Variants in UST observed in about 807,000 individuals in gnomAD.
The protein encoded by UST is chondroitin sulfate 2-O-sulfotransferase.
Under a neutral mutation model 45.6 loss-of-function variants are expected in UST, and 21 were observed. That is an observed-to-expected ratio of 0.46 (90% CI 0.33 to 0.66). The LOEUF is 0.66. Among genes scored for constraint, UST ranks in the 30% least tolerant of loss-of-function variants. The probability of loss-of-function intolerance (pLI) is 0.02; values close to 1 mark genes in which losing one functional copy is unlikely to be tolerated. For synonymous variants in UST, 215 were observed against 200.6 expected (o/e 1.07, Z -0.61); for missense variants, 463 against 512.4 (o/e 0.90, Z 0.93).
intron 5 of UST, among the ~76,000 whole-genome samples, chr6:148,985,331 G>A (rs1469125790): frequency 1.3e-5 from 2 of 152,194 alleles, no homozygotes; most frequent in Middle Eastern, 3.4e-3. Flanking sequence ...TCAGGGATGA[G>A]GATAAAAGAG....
At chr6:149,054,632 G>A (rs1776536327) in intron 7 of UST, among the ~76,000 whole-genome samples, 1 of 152,164 alleles carries the variant, frequency 6.6e-6, no homozygotes, top group Non-Finnish European at 1.5e-5. Flanking sequence ...AGGAAACTGG[G>A]CAGGAAAGAC....
At chr6:148,945,815 T>G (rs1780223892) in intron 3 of UST, among the ~76,000 whole-genome samples, 2 of 152,180 alleles carry the variant, frequency 1.3e-5, no homozygotes, top group African/African-American at 4.8e-5. Flanking sequence ...AGAACTCCAG[T>G]TCATTGTCTG....
In UST at chr6:148,922,180, C is replaced by G. The variant is rs1246881746; in HGVS notation, c.292-19099C>G. Among the ~76,000 whole-genome samples, 5 of 152,104 alleles carry G rather than the reference C, an allele frequency of 3.3e-5. No homozygotes were observed. The East Asian group carries it at 9.6e-4, about 29-fold the overall frequency. On this transcript the variant is annotated intron_variant, in intron 2 of 7. Coordinates refer to ENST00000367463, the MANE Select transcript of UST (RefSeq NM_005715.3). ...ATTCACAAAATTTTGCCACCATTACCACTGTCCAATTCAAAGCATTTTTGT... is the reference window on the plus strand; with the variant it reads ...ATTCACAAAATTTTGCCACCATTACGACTGTCCAATTCAAAGCATTTTTGT...
intron 7 of UST, among the ~76,000 whole-genome samples, chr6:149,022,630 A>AGCT (rs986312826): frequency 1.1e-4 from 17 of 152,312 alleles, no homozygotes; most frequent in African/African-American, 4.1e-4. Flanking sequence ...AGAAGGAAGC[A>AGCT]GCAGATGAAA....
chr6:148,987,864 A>G (rs1200420104), intron 5 of UST, among the ~76,000 whole-genome samples: 5 of 152,112 alleles, frequency 3.3e-5, no homozygotes, highest in Admixed American at 2.0e-4. Context: ...TCAGACGTGT[A>G]TTCGTTCAGC....
At chr6:149,054,346 G>T (rs1165719217) in intron 7 of UST, among the ~76,000 whole-genome samples, 1 of 152,204 alleles carries the variant, frequency 6.6e-6, no homozygotes, top group Non-Finnish European at 1.5e-5. Context: ...TAGAAATGGT[G>T]TAAAAGTTTT....
intron 2 of UST, among the ~76,000 whole-genome samples, chr6:148,914,307 T>A (rs1249818014): frequency 6.6e-6 from 1 of 151,856 alleles, no homozygotes; most frequent in Non-Finnish European, 1.5e-5. Flanking sequence ...GAAACTCGAT[T>A]CTACCTTTGA....
At chr6:149,069,416 C>A (rs1241549301) in intron 7 of UST, among the ~76,000 whole-genome samples, 1 of 152,146 alleles carries the variant, frequency 6.6e-6, no homozygotes, top group Non-Finnish European at 1.5e-5. Flanking sequence ...TATTTATTGG[C>A]TTTTAATAAT....
At chr6:148,892,449 A>T (rs182558399) in intron 2 of UST, among the ~76,000 whole-genome samples, 9 of 152,366 alleles carry the variant, frequency 5.9e-5, no homozygotes, top group Admixed American at 1.3e-4. Flanking sequence ...TGGGTAATAC[A>T]ATAAGAAAGA....
At chr6:149,061,617 G>A (rs1776656195) in intron 7 of UST, among the ~76,000 whole-genome samples, 1 of 152,222 alleles carries the variant, frequency 6.6e-6, no homozygotes, top group Non-Finnish European at 1.5e-5. Flanking sequence ...GCAATCCACT[G>A]ACATATGCAT....
At chr6:148,791,776 T>G (rs2114704454) in intron 1 of UST, among the ~76,000 whole-genome samples, 1 of 152,316 alleles carries the variant, frequency 6.6e-6, no homozygotes, top group Admixed American at 6.5e-5. Flanking sequence ...CACACCAGGA[T>G]CCTGGAGGTT....
intron 2 of UST, among the ~76,000 whole-genome samples, chr6:148,913,835 T>G (rs1272224428): frequency 6.6e-6 from 1 of 152,230 alleles, no homozygotes; most frequent in Non-Finnish European, 1.5e-5. Context: ...TGGAACAGTT[T>G]AAATGTACAA....
At chr6:148,779,664 G>C (rs1776602222) in intron 1 of UST, among the ~76,000 whole-genome samples, 1 of 152,242 alleles carries the variant, frequency 6.6e-6, no homozygotes, top group East Asian at 1.9e-4. Flanking sequence ...AGTGACTCTA[G>C]AAATGTAGGT....
intron 7 of UST, among the ~76,000 whole-genome samples, chr6:149,067,100 A>G (rs891622984): frequency 2.6e-5 from 4 of 152,180 alleles, no homozygotes; most frequent in Non-Finnish European, 5.9e-5. Context: ...AATGGGCCCA[A>G]TGCTCAGACA....
intron 1 of UST, among the ~76,000 whole-genome samples, chr6:148,765,825 G>A (rs765073647): frequency 9.2e-5 from 14 of 152,222 alleles, no homozygotes; most frequent in African/African-American, 1.4e-4. Flanking sequence ...CCCTCCGTTC[G>A]GGGTCCCTGA....
chr6:148,992,191 T>C (rs1459741696), intron 5 of UST, among the ~76,000 whole-genome samples: 2 of 152,162 alleles, frequency 1.3e-5, no homozygotes, highest in Non-Finnish European at 2.9e-5. Context: ...AGTTGGTTCT[T>C]GTGGACCCCT....
intron 2 of UST, among the ~76,000 whole-genome samples, chr6:148,895,483 A>G (rs1237057219): frequency 1.3e-5 from 2 of 152,138 alleles, no homozygotes; most frequent in Non-Finnish European, 1.5e-5. Flanking sequence ...TCTACAGGAA[A>G]CTTCTCAGCC....
intron 7 of UST, among the ~76,000 whole-genome samples, chr6:149,073,034 A>T (rs975940925): frequency 6.6e-6 from 1 of 152,266 alleles, no homozygotes; most frequent in Non-Finnish European, 1.5e-5. Context: ...TAACATTTTC[A>T]TGCTATTCAG....
intron 1 of UST, among the ~76,000 whole-genome samples, chr6:148,819,168 A>G (rs1681526840): frequency 1.3e-5 from 2 of 152,234 alleles, no homozygotes; most frequent in South Asian, 4.1e-4. Flanking sequence ...ATTTCAATTT[A>G]GGTTGCTTTT....
Sources: allele counts gnomAD v4.1 joint callset (sites outside exome capture counted in the v4.1 genomes callset), GRCh38; gene constraint gnomAD v4.1.1; transcripts MANE v1.5; gene names NCBI Gene and HGNC (gene_info 2026-07-23, HGNC 2026-07-21).